AFF2: variants seen among roughly 807,000 people sequenced by gnomAD.
AFF2 encodes the protein AF4/FMR2 family member 2.
In AFF2, 14 loss-of-function variants were observed where a neutral mutation model predicts 76.9. That is an observed-to-expected ratio of 0.18 (90% CI 0.12 to 0.28). The LOEUF (loss-of-function observed/expected upper bound fraction) is 0.28. Ranked by LOEUF, AFF2 falls within the 10% of genes least tolerant of loss-of-function variation. The probability of loss-of-function intolerance (pLI) is 1.00; values close to 1 mark genes in which losing one functional copy is unlikely to be tolerated. For synonymous variants in AFF2, 398 were observed against 366.7 expected (o/e 1.09, Z -0.98); for missense variants, 868 against 1,001.1 (o/e 0.87, Z 1.79).
chrX:148,562,302 C>T (rs1156566525), intron 1 of AFF2, among the ~76,000 whole-genome samples: 1 of 111,926 alleles, frequency 8.9e-6, no homozygotes, highest in African/African-American at 3.3e-5. Flanking sequence ...GAAGCCATGG[C>T]TGAATGGTGA....
chrX:148,614,951 A>T (rs2053783132), intron 1 of AFF2, among the ~76,000 whole-genome samples: 1 of 109,034 alleles, frequency 9.2e-6, no homozygotes, highest in African/African-American at 3.3e-5. Context: ...TGCAAGAGAA[A>T]GGGGGAATGA....
chrX:148,565,620 T>G (rs1557241527), intron 1 of AFF2, among the ~76,000 whole-genome samples: 1 of 111,298 alleles, frequency 9.0e-6, no homozygotes, highest in Non-Finnish European at 1.9e-5. Flanking sequence ...GGGGTACAAA[T>G]ATAATGTGTA....
At chrX:148,662,917 T>A in intron 3 of AFF2, 149 bp downstream of exon 3, 1 of 593,152 alleles carries the variant, frequency 1.7e-6, no homozygotes, top group Non-Finnish European at 2.6e-6. Context: ...TTTGATCTTC[T>A]GTCACTTGTG....
rs143555239 is a variant in AFF2, at chrX:148,947,141, A to G, written c.1398-6439A>G. Among the ~76,000 whole-genome samples, 776 of 112,086 alleles carry G rather than the reference A, an allele frequency of 6.9e-3. 8 individuals carry two copies. Among genetic ancestry groups the G allele is most frequent in the African/African-American group, 0.024 (741 of 30,877 alleles). ...AAGTAAATTGAGGCGGCTCTATTTC[A>G]AACATCAGGATGAGATAACAGGACA... On this transcript the variant is annotated intron_variant, in intron 9 of 20. Coordinates refer to ENST00000370460, the MANE Select transcript of AFF2 (RefSeq NM_002025.4).
chrX:148,701,266 T>G (rs1757362505), intron 3 of AFF2, among the ~76,000 whole-genome samples: 1 of 111,727 alleles, frequency 9.0e-6, no homozygotes. Context: ...GAGCACAAGC[T>G]TATGTGTGGA....
At chrX:148,607,191 G>A (rs782172216) in intron 1 of AFF2, among the ~76,000 whole-genome samples, 8 of 111,265 alleles carry the variant, frequency 7.2e-5, no homozygotes, top group African/African-American at 1.3e-4. Context: ...TCCAGATTCC[G>A]AAACTCAGGT....
intron 3 of AFF2, among the ~76,000 whole-genome samples, chrX:148,688,272 A>T (rs1164870504): frequency 1.8e-5 from 2 of 111,309 alleles, no homozygotes; most frequent in East Asian, 5.7e-4. Flanking sequence ...AAGAAGTCAA[A>T]CCTCTGGAGA....
chrX:148,557,840 C>G, intron 1 of AFF2, among the ~76,000 whole-genome samples: 1 of 112,053 alleles, frequency 8.9e-6, no homozygotes, highest in Middle Eastern at 4.6e-3. Flanking sequence ...GTGTGTTTCC[C>G]GTGCTTTAAC....
At chrX:148,856,216 A>G (rs1430041366) in intron 7 of AFF2, among the ~76,000 whole-genome samples, 1 of 112,135 alleles carries the variant, frequency 8.9e-6, no homozygotes, top group African/African-American at 3.2e-5. Flanking sequence ...TCAACACAGC[A>G]TCTTATCCCA....
In AFF2 at chrX:148,688,248, C is replaced by T. The variant is rs782550676; in HGVS notation, c.1041+25480C>T. 2.7e-5 allele frequency among the ~76,000 whole-genome samples: 3 copies of T among 111,307 alleles called. No individual in the cohort carries two copies. In the East Asian group the frequency reaches 8.5e-4, roughly 32 times the overall value. Reference sequence around the variant, plus strand: ...AGCCAGACTGATCTCTTAGTGCCACCCATTGCCTAAAGAAAGAAGTCAAAC... The same window carrying T: ...AGCCAGACTGATCTCTTAGTGCCACTCATTGCCTAAAGAAAGAAGTCAAAC... On this transcript the variant is annotated intron_variant, in intron 3 of 20. Transcript: ENST00000370460.
intron 1 of AFF2, among the ~76,000 whole-genome samples, chrX:148,562,759 C>T (rs934159323): frequency 5.4e-5 from 6 of 111,612 alleles, no homozygotes; most frequent in Non-Finnish European, 9.4e-5. Flanking sequence ...TCCCCTATCT[C>T]TTTTCCTTTC....
chrX:148,887,177 G>A (rs1787973427), intron 8 of AFF2, among the ~76,000 whole-genome samples: 1 of 112,858 alleles, frequency 8.9e-6, no homozygotes, highest in Admixed American at 9.4e-5. Context: ...GGTAAGTGCA[G>A]ACTACATAGT....
In AFF2 at chrX:148,642,761, A is replaced by G. The variant is rs574576180; in HGVS notation, c.48-9238A>G. Among the ~76,000 whole-genome samples the G allele has an allele frequency of 7.0e-4, 79 of 112,305 alleles. No individual in the cohort carries two copies. In the South Asian group the frequency reaches 0.029, roughly 41 times the overall value. ...GGCAGGCAGGCCTGAGGAAAGAGGA[A>G]AAGGAGGAGGTGAAGGAAGAGGAAA... On this transcript the variant is annotated intron_variant, in intron 1 of 20. Coordinates refer to ENST00000370460, the MANE Select transcript of AFF2 (RefSeq NM_002025.4).
intron 3 of AFF2, among the ~76,000 whole-genome samples, chrX:148,756,684 A>G (rs144345062): frequency 0.058 from 6,537 of 112,554 alleles, 207 homozygotes; most frequent in Non-Finnish European, 0.091. Context: ...AAAATAAAAT[A>G]TATGAAACAG....
rs954248549 is a variant in AFF2 at position 148,775,292 on chromosome X, C to T, written c.1042-34584C>T. Among the ~76,000 whole-genome samples the T allele has an allele frequency of 1.6e-4, 18 of 111,797 alleles. 1 individual carries two copies. The highest frequency in any genetic ancestry group is 5.7e-4 in the Admixed American group (6 of 10,512). On this transcript the variant is annotated intron_variant, in intron 3 of 20. Transcript: ENST00000370460. ...AAATAGCTTATAAAATTAGAACTAT[C>T]GAAACAGACAAGCTGGAATAATAAT...
intron 1 of AFF2, among the ~76,000 whole-genome samples, chrX:148,537,376 A>G (rs1557236722): frequency 9.0e-6 from 1 of 111,643 alleles, no homozygotes; most frequent in Non-Finnish European, 1.9e-5. Flanking sequence ...CATTTACTAA[A>G]CACCTTCTAT....
At chrX:148,667,714 A>C (rs2054374081) in intron 3 of AFF2, among the ~76,000 whole-genome samples, 1 of 111,405 alleles carries the variant, frequency 9.0e-6, no homozygotes, top group Non-Finnish European at 1.9e-5. Flanking sequence ...CATCACAGCA[A>C]AGACCTTCTC....
Position 148,662,158 on chromosome X carries a change from T to C in AFF2, c.431T>C (p.Leu144Pro). The change falls in exon 3 of 21, where the codon CTG (leucine) becomes CCG (proline). Residue 144 changes from leucine to proline, a missense_variant. Physicochemically the swap from Leu to Pro is moderately conservative, Grantham distance 98. Coordinates refer to ENST00000370460, the MANE Select transcript of AFF2 (RefSeq NM_002025.4). ...APMPPPSVVILNSTLIHSNRK... is the reference protein window; with the variant it reads ...APMPPPSVVIPNSTLIHSNRK... ...ATGCCTCCACCTTCTGTTGTGATAC[T>C]GAATTCAACTCTAATACACAGCAAC... 1 of 1,210,533 alleles carries C rather than the reference T, an allele frequency of 8.3e-7. No homozygotes were observed. Among genetic ancestry groups the C allele is most frequent in the Non-Finnish European group, 1.1e-6 (1 of 894,382 alleles).
chrX:148,751,144 A>G (rs1188665918), intron 3 of AFF2, among the ~76,000 whole-genome samples: 1 of 112,531 alleles, frequency 8.9e-6, no homozygotes, highest in African/African-American at 3.2e-5. Context: ...ATAAGTAATA[A>G]TTCTGTGCTA....
Sources: allele counts gnomAD v4.1 joint callset (sites outside exome capture counted in the v4.1 genomes callset), GRCh38; gene constraint gnomAD v4.1.1; transcripts MANE v1.5; gene names NCBI Gene and HGNC (gene_info 2026-07-23, HGNC 2026-07-21).